GTF2E2: variants seen among roughly 807,000 people sequenced by gnomAD.
The protein encoded by GTF2E2 is transcription initiation factor IIE subunit beta.
In GTF2E2, 21 loss-of-function variants were observed where a neutral mutation model predicts 40.5. That is an observed-to-expected ratio of 0.52 (90% CI 0.37 to 0.75). The LOEUF is 0.75. Among genes scored for constraint, GTF2E2 ranks in the 30% least tolerant of loss-of-function variants. The pLI is 0.00. For missense variants in GTF2E2, 298 were observed against 338.4 expected (o/e 0.88, Z 0.94); for synonymous variants, 117 against 121.6 (o/e 0.96, Z 0.25).
intron 6 of GTF2E2, among the ~76,000 whole-genome samples, chr8:30,591,013 T>C (rs1828832807): frequency 6.6e-6 from 1 of 151,942 alleles, no homozygotes; most frequent in South Asian, 2.1e-4. Context: ...CTTTTATACC[T>C]CATAAGACAC....
chr8:30,584,837 G>A (rs1193875136), intron 6 of GTF2E2: 1 of 152,180 alleles, frequency 6.6e-6, no homozygotes, highest in African/African-American at 2.4e-5. Context: ...CCTGCACAAA[G>A]TGGTGCAAAC....
chr8:30,614,801 G>T, intron 3 of GTF2E2, 86 bp from the exon 4 acceptor site: 1 of 727,768 alleles, frequency 1.4e-6, no homozygotes. Context: ...AAACCTTCAG[G>T]AATGAAAAAC....
chr8:30,621,312 G>C (rs1801094892), intron 3 of GTF2E2, among the ~76,000 whole-genome samples: 1 of 151,960 alleles, frequency 6.6e-6, no homozygotes, highest in Admixed American at 6.6e-5. Flanking sequence ...ATCAATGACA[G>C]AAGTAATAAT....
intron 5 of GTF2E2, among the ~76,000 whole-genome samples, chr8:30,609,361 A>G (rs1829418204): frequency 6.6e-6 from 1 of 152,066 alleles, no homozygotes. Context: ...AAACTGGTAT[A>G]ATGAAAATAT....
chr8:30,645,657 A>G lies in GTF2E2; in HGVS notation c.166+7776T>C, dbSNP rs760801998. 3.9e-5 allele frequency: 56 copies of G among 1,444,174 alleles called. No homozygotes were observed. The Admixed American group carries it at 4.5e-4, about 12-fold the overall frequency. The allele number at this position is 1,444,174 out of a possible 1,614,324, so 89.5% of individuals were successfully genotyped here. ...AGCTCAACCTCTTCTGAGAAAAAAA[A>G]TATATTCTGAGGCCAACTGTTGCTA... On this transcript the variant is annotated intron_variant, in intron 2 of 7. Transcript: ENST00000355904.
At chr8:30,626,417 G>A (rs751580205) in intron 3 of GTF2E2, among the ~76,000 whole-genome samples, 33 of 152,158 alleles carry the variant, frequency 2.2e-4, no homozygotes, top group Admixed American at 4.6e-4. Flanking sequence ...CCCGAGAGGT[G>A]GAGGTTGCAG....
chr8:30,647,579 C>T (rs894817304), intron 2 of GTF2E2, among the ~76,000 whole-genome samples: 10 of 152,190 alleles, frequency 6.6e-5, no homozygotes, highest in African/African-American at 2.4e-4. Flanking sequence ...GAAACTCCGT[C>T]TCAAACAAAC....
chr8:30,616,256 T>C (rs1003825239), intron 3 of GTF2E2, among the ~76,000 whole-genome samples: 2 of 151,818 alleles, frequency 1.3e-5, no homozygotes, highest in Non-Finnish European at 2.9e-5. Context: ...GCCAACATGG[T>C]GAAATCCCAT....
At chr8:30,625,962 T>C (rs767171826) in intron 3 of GTF2E2, among the ~76,000 whole-genome samples, 1 of 152,188 alleles carries the variant, frequency 6.6e-6, no homozygotes, top group African/African-American at 2.4e-5. Context: ...AAGCTCTATA[T>C]GGCACAAACA....
intron 7 of GTF2E2, among the ~76,000 whole-genome samples, chr8:30,579,430 G>T (rs1172350942): frequency 1.3e-5 from 2 of 152,168 alleles, no homozygotes; most frequent in South Asian, 4.1e-4. Flanking sequence ...GCACATGAAG[G>T]TCTGTAATAT....
chr8:30,614,504 T>C lies in GTF2E2; in HGVS notation c.366+104A>G, dbSNP rs1188252195. 7.9e-6 allele frequency: 5 copies of C among 632,806 alleles called. No individual in the cohort carries two copies. The East Asian group carries it at 8.7e-5, about 11-fold the overall frequency. 39.2% of individuals were successfully genotyped at this position (632,806 alleles called of 1,614,324 possible). ...CTGAGTCAGCAGTGGGCTGAGATCA[T>C]GCCACTGCACTCTAGCCTGTGCAAC... On this transcript the variant is annotated intron_variant, in intron 4 of 7. Coordinates refer to ENST00000355904, the MANE Select transcript of GTF2E2 (RefSeq NM_002095.6).
intron 3 of GTF2E2, among the ~76,000 whole-genome samples, chr8:30,615,658 C>G (rs1282795695): frequency 2.0e-5 from 3 of 152,118 alleles, no homozygotes; most frequent in Non-Finnish European, 4.4e-5. Flanking sequence ...CACACACACA[C>G]ACGTAGATAC....
At chr8:30,602,647 G>A (rs182206166) in intron 6 of GTF2E2, among the ~76,000 whole-genome samples, 8 of 151,766 alleles carry the variant, frequency 5.3e-5, no homozygotes, top group Non-Finnish European at 7.4e-5. Context: ...CCAGCTACTC[G>A]GGAGGCTGAG....
chr8:30,583,385 C>CTGTT (rs140481367), intron 6 of GTF2E2, among the ~76,000 whole-genome samples: 13,430 of 151,968 alleles, frequency 0.088, 1,884 homozygotes, highest in African/African-American at 0.3. Context: ...CTTCAGTTCA[C>CTGTT]TGTTTGTTTG....
At chr8:30,641,410 G>A (rs950205997) in intron 2 of GTF2E2, among the ~76,000 whole-genome samples, 33 of 152,066 alleles carry the variant, frequency 2.2e-4, no homozygotes, top group African/African-American at 6.5e-4. Context: ...TCACCCAGGC[G>A]GGAGTGCAAT....
intron 2 of GTF2E2, chr8:30,643,883 AG>A (rs1801957400): frequency 6.6e-6 from 1 of 152,276 alleles, no homozygotes; most frequent in Admixed American, 6.5e-5. Context: ...CTCACACAAA[AG>A]GTATCTCCAG....
intron 3 of GTF2E2, among the ~76,000 whole-genome samples, chr8:30,615,613 TA>T (rs1800898588): frequency 6.6e-6 from 1 of 152,056 alleles, no homozygotes; most frequent in Non-Finnish European, 1.5e-5. Flanking sequence ...ATTAATAAGT[TA>T]AAAAACATAT....
At chr8:30,656,401 T>C (rs1267763394) in intron 1 of GTF2E2, among the ~76,000 whole-genome samples, 1 of 152,118 alleles carries the variant, frequency 6.6e-6, no homozygotes, top group Non-Finnish European at 1.5e-5. Context: ...AAAGGAGAAT[T>C]GTCAAGTGAG....
intron 1 of GTF2E2, chr8:30,657,071 C>A (rs1426973275): frequency 2.0e-5 from 3 of 152,170 alleles, no homozygotes; most frequent in African/African-American, 7.2e-5. Context: ...ACAAAGGCCA[C>A]CTGTGAGGTT....
Sources: allele counts gnomAD v4.1 joint callset (sites outside exome capture counted in the v4.1 genomes callset), GRCh38; gene constraint gnomAD v4.1.1; transcripts MANE v1.5; gene names NCBI Gene and HGNC (gene_info 2026-07-23, HGNC 2026-07-21).